Variants in SND1 observed in about 807,000 individuals in gnomAD.
SND1 encodes the protein staphylococcal nuclease and tudor domain containing 1, also known as staphylococcal nuclease domain-containing protein 1.
In SND1, 38 loss-of-function variants were observed where a neutral mutation model predicts 121.7. The observed-to-expected ratio is 0.31, with a 90% confidence interval of 0.24 to 0.41. The LOEUF is 0.41. SND1 is among the 10% of genes least tolerant of loss of function. The probability of loss-of-function intolerance (pLI) is 1.00; values close to 1 mark genes in which losing one functional copy is unlikely to be tolerated. For missense variants in SND1, 868 were observed against 1,184.6 expected, an observed-to-expected ratio of 0.73 and a Z score of 3.92; for synonymous variants, 401 against 447.4, an observed-to-expected ratio of 0.90 and a Z score of 1.31.
chr7:127,913,916 T>C (rs1800512763), intron 14 of SND1, among the ~76,000 whole-genome samples: 2 of 152,246 alleles, frequency 1.3e-5, no homozygotes, highest in Non-Finnish European at 2.9e-5. Context: ...TTATTTAGCA[T>C]GCTTACAACA....
Position 128,027,048 on chromosome 7 carries a change from T to C in SND1, c.1779+35992T>C, listed in dbSNP as rs964136162. ...TCTATAGGTTCAGGGTCTTACTCAA[T>C]TTAACCCTTTGGGGACATTGAATTA... is the stretch of plus-strand genomic sequence containing the variant. On this transcript the variant is annotated intron_variant, in intron 16 of 23. Transcript: ENST00000354725. 7.9e-5 allele frequency: 12 copies of C among 151,924 alleles called. 1 individual carries two copies. Among genetic ancestry groups the C allele is most frequent in the African/African-American group, 1.9e-4 (8 of 41,274 alleles). 9.4% of individuals were successfully genotyped at this position (151,924 alleles called of 1,614,324 possible).
chr7:127,942,053 G>A (rs1801225676), intron 15 of SND1, among the ~76,000 whole-genome samples: 1 of 152,006 alleles, frequency 6.6e-6, no homozygotes, highest in Admixed American at 6.5e-5. Flanking sequence ...TAAGCAGCCT[G>A]CCTTGATTTG....
intron 15 of SND1, among the ~76,000 whole-genome samples, chr7:127,944,155 G>A (rs1801275720): frequency 6.6e-6 from 1 of 152,202 alleles, no homozygotes; most frequent in South Asian, 2.1e-4. Context: ...AAATACACGG[G>A]AGCCCTTTGT....
chr7:127,855,197 C>T (rs1424819892), intron 12 of SND1, among the ~76,000 whole-genome samples: 3 of 152,044 alleles, frequency 2.0e-5, no homozygotes, highest in African/African-American at 7.2e-5. Context: ...TGGCTCACTG[C>T]AGCCTCAATC....
intron 12 of SND1, among the ~76,000 whole-genome samples, chr7:127,882,642 T>G (rs540098889): frequency 6.8e-6 from 1 of 147,848 alleles, no homozygotes; most frequent in African/African-American, 2.5e-5. Context: ...GGAGAGAAAG[T>G]GGAATTAGCC....
intron 1 of SND1, among the ~76,000 whole-genome samples, chr7:127,685,056 A>G (rs1446823170): frequency 1.3e-5 from 2 of 152,198 alleles, no homozygotes; most frequent in East Asian, 1.9e-4. Flanking sequence ...GGCTGCAAGT[A>G]GAGAGGGGCA....
intron 1 of SND1, among the ~76,000 whole-genome samples, chr7:127,684,814 G>A (rs73450944): frequency 0.017 from 2,641 of 152,242 alleles, 45 homozygotes; most frequent in African/African-American, 0.042. Flanking sequence ...GGATTAAAGT[G>A]ACTTAGGCCA....
At chr7:127,905,624 A>C (rs888776935) in intron 14 of SND1, among the ~76,000 whole-genome samples, 1 of 152,132 alleles carries the variant, frequency 6.6e-6, no homozygotes, top group African/African-American at 2.4e-5. Flanking sequence ...AGAGAAGTAA[A>C]ACTGGCCGAG....
intron 14 of SND1, among the ~76,000 whole-genome samples, chr7:127,916,067 G>T (rs115668940): frequency 1.6e-3 from 248 of 151,828 alleles, no homozygotes; most frequent in African/African-American, 4.7e-3. Flanking sequence ...TATATATAGA[G>T]AGAGAGAGAG....
chr7:127,772,669 T>A (rs1368392107), intron 10 of SND1, among the ~76,000 whole-genome samples: 2 of 150,912 alleles, frequency 1.3e-5, no homozygotes, highest in Admixed American at 1.3e-4. Flanking sequence ...CTTGTTTACA[T>A]GCTGCCTAAA....
Position 127,652,235 on chromosome 7 carries a change from G to T in SND1, c.-139G>T. On this transcript the variant is annotated 5_prime_UTR_variant, in exon 1 of 24. Transcript: ENST00000354725. ...CCCGCTGCTGCTCCTGTGAGCGCCCGGCGAGTCCGTCCCGTCCACCGTCCG... is the reference window on the plus strand; with the variant it reads ...CCCGCTGCTGCTCCTGTGAGCGCCCTGCGAGTCCGTCCCGTCCACCGTCCG... 2 of 744,954 alleles carry T rather than the reference G, an allele frequency of 2.7e-6. No individual in the cohort carries two copies. The highest frequency in any genetic ancestry group is 4.8e-6 in the Non-Finnish European group (2 of 417,650). 46.1% of individuals were successfully genotyped at this position (744,954 alleles called of 1,614,324 possible). A position where few individuals can be genotyped will look rare whatever the true frequency, so the allele number is the denominator to read the frequency against.
In SND1 at chr7:127,701,143, G is replaced by C; in HGVS notation, c.429-20G>C. ...GTTTGTGAACTCACTAACCACTCTT[G>C]TTTATTTTTTATGTCCCAGTCCTGA... On this transcript the variant is annotated intron_variant, in intron 4 of 23. Coordinates refer to ENST00000354725, the MANE Select transcript of SND1 (RefSeq NM_014390.4). The C allele has an allele frequency of 6.2e-7, 1 of 1,612,606 alleles. No individual in the cohort carries two copies. The highest frequency in any genetic ancestry group is 8.5e-7 in the Non-Finnish European group (1 of 1,179,396).
At chr7:127,714,863 T>C (rs952084840) in intron 9 of SND1, among the ~76,000 whole-genome samples, 1 of 152,252 alleles carries the variant, frequency 6.6e-6, no homozygotes, top group Non-Finnish European at 1.5e-5. Flanking sequence ...CCATTGTATG[T>C]GTATACATTT....
At chr7:128,037,276 T>A (rs1792767057) in intron 16 of SND1, among the ~76,000 whole-genome samples, 1 of 152,204 alleles carries the variant, frequency 6.6e-6, no homozygotes, top group South Asian at 2.1e-4. Context: ...CAGCCTTCCT[T>A]GACTTACAGC....
intron 10 of SND1, among the ~76,000 whole-genome samples, chr7:127,794,618 T>C (rs1279170585): frequency 6.6e-6 from 1 of 152,228 alleles, no homozygotes; most frequent in Non-Finnish European, 1.5e-5. Flanking sequence ...TGGTTTCCTG[T>C]TGTCAGAGAT....
intron 15 of SND1, among the ~76,000 whole-genome samples, chr7:127,971,858 T>G (rs1039921641): frequency 6.6e-6 from 1 of 151,370 alleles, no homozygotes; most frequent in Non-Finnish European, 1.5e-5. Flanking sequence ...CTGCAACCTC[T>G]GCCTCCTGGG....
intron 15 of SND1, among the ~76,000 whole-genome samples, chr7:127,974,812 T>G (rs927234760): frequency 9.9e-5 from 15 of 152,238 alleles, no homozygotes; most frequent in Admixed American, 8.5e-4. Flanking sequence ...CCCCGCCCTT[T>G]TGCTGACAGC....
intron 12 of SND1, among the ~76,000 whole-genome samples, chr7:127,876,973 A>T (rs1799702521): frequency 6.6e-6 from 1 of 152,124 alleles, no homozygotes; most frequent in South Asian, 2.1e-4. Flanking sequence ...TTGAAGATGG[A>T]CATTGTTTTA....
At chr7:127,690,690 A>G (rs55694225) in intron 2 of SND1, among the ~76,000 whole-genome samples, 52,614 of 152,154 alleles carry the variant, frequency 0.35, 9,738 homozygotes, top group Admixed American at 0.43. Flanking sequence ...AAACATTTAA[A>G]TGAATAATGA....
Sources: allele counts gnomAD v4.1 joint callset (sites outside exome capture counted in the v4.1 genomes callset), GRCh38; gene constraint gnomAD v4.1.1; transcripts MANE v1.5; gene names NCBI Gene and HGNC (gene_info 2026-07-23, HGNC 2026-07-21).